RORB: variants seen among roughly 807,000 people sequenced by gnomAD.
RORB encodes RAR related orphan receptor B, also known as nuclear receptor ROR-beta.
In RORB, 6 loss-of-function variants were observed where a neutral mutation model predicts 59.1. That is an observed-to-expected ratio of 0.10 (90% confidence interval 0.06 to 0.20). The LOEUF is 0.20. Among genes scored for constraint, RORB ranks in the 10% least tolerant of loss-of-function variants. The pLI, the probability that RORB is intolerant of heterozygous loss-of-function variation, is 1.00. For missense variants in RORB, 320 were observed against 560.5 expected (o/e 0.57, Z 4.33); for synonymous variants, 215 against 204.5 (o/e 1.05, Z -0.44).
At chr9:74,576,079 G>A (rs866438443) in intron 1 of RORB, among the ~76,000 whole-genome samples, 2 of 152,072 alleles carry the variant, frequency 1.3e-5, no homozygotes, top group African/African-American at 2.4e-5. Context: ...AAACAGCCTC[G>A]CTGTTTGTGG....
At chr9:74,629,799 A>T (rs1823585403) in intron 1 of RORB, among the ~76,000 whole-genome samples, 1 of 152,182 alleles carries the variant, frequency 6.6e-6, no homozygotes, top group South Asian at 2.1e-4. Context: ...GTAAGTAAAC[A>T]TCCAGCCACA....
At chr9:74,505,476 T>G (rs1202517784) in intron 1 of RORB, among the ~76,000 whole-genome samples, 1 of 152,044 alleles carries the variant, frequency 6.6e-6, no homozygotes, top group Non-Finnish European at 1.5e-5. Flanking sequence ...TATTAAAGAT[T>G]TATTGAATAC....
chr9:74,612,374 G>A lies in RORB; in HGVS notation c.8-17908G>A, dbSNP rs369035870. On this transcript the variant is annotated intron_variant, in intron 1 of 9. Transcript: ENST00000376896. Reference sequence around the variant, plus strand: ...CAGAGCTGGCCCGGGTTGTAGAAAGGTAGGCCAAGGAGGAGCTTGGGTTTG... The same window carrying A: ...CAGAGCTGGCCCGGGTTGTAGAAAGATAGGCCAAGGAGGAGCTTGGGTTTG... Among the ~76,000 whole-genome samples the A allele has an allele frequency of 9.2e-5, 14 of 152,260 alleles. 1 individual carries two copies. In the South Asian group the frequency reaches 2.9e-3, roughly 32 times the overall value.
chr9:74,625,931 T>C (rs544760467), intron 1 of RORB, among the ~76,000 whole-genome samples: 1 of 152,346 alleles, frequency 6.6e-6, no homozygotes, highest in African/African-American at 2.4e-5. Context: ...TCTTAATGTA[T>C]GCTTTTAAGA....
At chr9:74,658,544 A>G (rs1289251230) in intron 4 of RORB, among the ~76,000 whole-genome samples, 1 of 152,232 alleles carries the variant, frequency 6.6e-6, no homozygotes, top group African/African-American at 2.4e-5. Context: ...TGGCAATGAT[A>G]GTCTTGTTTA....
chr9:74,520,428 T>C (rs1826068946), intron 1 of RORB, among the ~76,000 whole-genome samples: 1 of 151,960 alleles, frequency 6.6e-6, no homozygotes, highest in South Asian at 2.1e-4. Context: ...ACTTATGTTC[T>C]GCATCGGCTA....
chr9:74,528,322 T>C (rs1826187426), intron 1 of RORB, among the ~76,000 whole-genome samples: 1 of 152,048 alleles, frequency 6.6e-6, no homozygotes, highest in Admixed American at 6.6e-5. Flanking sequence ...AGCTGCTCCC[T>C]GCATATTTGC....
chr9:74,662,439 T>C, intron 5 of RORB, 35 bp from the exon 6 acceptor site: 1 of 1,609,342 alleles, frequency 6.2e-7, no homozygotes, highest in Non-Finnish European at 8.5e-7. Flanking sequence ...GTAAGTCGTT[T>C]GCCCTATTTA....
At chr9:74,666,160 G>A (rs538782459) in intron 7 of RORB, among the ~76,000 whole-genome samples, 99 of 152,240 alleles carry the variant, frequency 6.5e-4, no homozygotes, top group African/African-American at 2.2e-3. Flanking sequence ...GGTGGCTGAC[G>A]CCTGTAATCC....
chr9:74,683,584 A>G (rs1449271400), intron 9 of RORB, among the ~76,000 whole-genome samples: 1 of 152,104 alleles, frequency 6.6e-6, no homozygotes, highest in Admixed American at 6.5e-5. Flanking sequence ...CCAGAGTGCA[A>G]AGCGCTACAG....
intron 1 of RORB, chr9:74,615,535 G>A: frequency 2.3e-6 from 1 of 429,726 alleles, no homozygotes; most frequent in Non-Finnish European, 4.7e-6. Context: ...CGCAGGGGCA[G>A]TCTTCAGACC....
At chr9:74,577,762 T>C (rs1587367252) in intron 1 of RORB, among the ~76,000 whole-genome samples, 1 of 152,072 alleles carries the variant, frequency 6.6e-6, no homozygotes, top group East Asian at 1.9e-4. Flanking sequence ...GGCAAAAACA[T>C]TGGCTCTGTA....
intron 1 of RORB, among the ~76,000 whole-genome samples, chr9:74,550,090 C>T (rs11144007): frequency 0.58 from 88,267 of 151,912 alleles, 26,512 homozygotes; most frequent in African/African-American, 0.72. Flanking sequence ...AATTTAGAAA[C>T]GTGAATTCAA....
intron 1 of RORB, among the ~76,000 whole-genome samples, chr9:74,537,216 C>A (rs754108699): frequency 6.6e-5 from 10 of 151,952 alleles, no homozygotes; most frequent in Admixed American, 2.0e-4. Context: ...CCCCGTGGTT[C>A]CTGGCATGAA....
intron 1 of RORB, among the ~76,000 whole-genome samples, chr9:74,607,236 T>A (rs1260020872): frequency 6.6e-6 from 1 of 152,198 alleles, no homozygotes; most frequent in Admixed American, 6.5e-5. Context: ...TTAAGATCCC[T>A]TGGGGAAGAT....
chr9:74,507,591 G>A (rs1002777101), intron 1 of RORB, among the ~76,000 whole-genome samples: 1 of 152,034 alleles, frequency 6.6e-6, no homozygotes. Flanking sequence ...CATATAGCTT[G>A]AACCAGAATA....
chr9:74,541,279 C>CAAAAAAAAAAAAAAAA (rs374556016), intron 1 of RORB, among the ~76,000 whole-genome samples: 22 of 43,570 alleles, frequency 5.0e-4, no homozygotes, highest in African/African-American at 2.4e-3. Flanking sequence ...GACTCCATCT[C>CAAAAAAAAAAAAAAAA]AAAAAAAAAA....
intron 1 of RORB, among the ~76,000 whole-genome samples, chr9:74,611,583 C>T (rs907968479): frequency 1.3e-5 from 2 of 152,068 alleles, no homozygotes; most frequent in Admixed American, 6.6e-5. Context: ...CTATATGGTC[C>T]CCCAGTGTTG....
intron 4 of RORB, among the ~76,000 whole-genome samples, chr9:74,656,837 T>TA (rs1158727881): frequency 6.6e-6 from 1 of 152,212 alleles, no homozygotes; most frequent in Non-Finnish European, 1.5e-5. Flanking sequence ...AATTCAGAGA[T>TA]AAAATCCAAA....
Sources: gnomAD v4.1 joint callset for allele counts (sites outside exome capture counted in the v4.1 genomes callset) on GRCh38, gnomAD v4.1.1 for gene constraint, MANE v1.5 for transcripts, NCBI Gene and HGNC (gene_info 2026-07-23, HGNC 2026-07-21) for gene names.